IL1RL2: variants seen among roughly 807,000 people sequenced by gnomAD.
The protein encoded by IL1RL2 is interleukin-1 receptor-like 2.
Under a neutral mutation model 66.8 loss-of-function variants are expected in IL1RL2, and 68 were observed. The ratio of observed to expected loss-of-function variants is 1.02; its 90% CI spans 0.84 to 1.25. The LOEUF (loss-of-function observed/expected upper bound fraction) is 1.25, where lower values mean the gene tolerates loss of function less well. IL1RL2 is among the 50% of genes most tolerant of loss of function. IL1RL2 has a pLI of 0.00. For synonymous variants in IL1RL2, 305 were observed against 264.6 expected, an observed-to-expected ratio of 1.15 and a Z score of -1.48; for missense variants, 729 against 709.3, an observed-to-expected ratio of 1.03 and a Z score of -0.32.
rs377736284 is a variant in IL1RL2 at position 102,233,099 on chromosome 2, C to T, written c.1272C>T (p.Phe424=). The T allele has an allele frequency of 8.4e-5, 135 of 1,612,648 alleles. No individual in the cohort carries two copies. The highest frequency in any genetic ancestry group is 1.0e-4 in the Non-Finnish European group (121 of 1,179,034). ...ERQCGYKLFI[F]GRDEFPGQAV... is the part of the protein sequence containing the mutation. The stretch of plus-strand genomic sequence containing the variant: ...AATGTGGATATAAGTTGTTTATATT[C>T]GGCAGAGATGAATTCCCTGGACAAG... Residue 424 remains phenylalanine, a synonymous_variant, in exon 10 of 12, where the codon TTC becomes TTT. Coordinates refer to ENST00000264257, the MANE Select transcript of IL1RL2 (RefSeq NM_003854.4).
downstream of IL1RL2, among the ~76,000 whole-genome samples, chr2:102,241,762 A>G (rs1675237280): frequency 6.6e-6 from 1 of 152,252 alleles, no homozygotes; most frequent in Admixed American, 6.5e-5. Context: ...ACCCAGGGGT[A>G]ACACAGTTGT....
chr2:102,222,809 C>T (rs1690255347), intron 8 of IL1RL2, among the ~76,000 whole-genome samples: 1 of 152,178 alleles, frequency 6.6e-6, no homozygotes, highest in South Asian at 2.1e-4. Context: ...ACTCAGGGTC[C>T]ACCCCAGAGA....
intron 2 of IL1RL2, 63 bp from the exon 3 acceptor site, chr2:102,189,013 C>G (rs1036054841): frequency 7.3e-6 from 9 of 1,236,582 alleles, no homozygotes; most frequent in Non-Finnish European, 3.4e-6. Context: ...AAAAAACTAA[C>G]AGTAAATAAA....
chr2:102,234,764 G>C (rs999053664), intron 10 of IL1RL2, 133 bp from the exon 11 acceptor site: 3 of 784,070 alleles, frequency 3.8e-6, no homozygotes, highest in Non-Finnish European at 6.0e-6. Context: ...TCCAACCTGG[G>C]CAACACAGTG....
rs933953517 is a variant in IL1RL2, at chr2:102,237,420, C to T, written c.1679-1772C>T. 4.4e-4 allele frequency among the ~76,000 whole-genome samples: 67 copies of T among 152,302 alleles called. 1 individual carries two copies. The highest frequency in any genetic ancestry group is 1.5e-4 in the Non-Finnish European group (10 of 68,020). On this transcript the variant is annotated intron_variant, in intron 11 of 11. Coordinates refer to ENST00000264257, the MANE Select transcript of IL1RL2 (RefSeq NM_003854.4). ...GCACTCCGCAGAAGGAAGGACGAAG[C>T]GTCCTCAGCCAGCCCGCAGCCACCC...
At chr2:102,227,387 T>C (rs1481532088) in intron 9 of IL1RL2, among the ~76,000 whole-genome samples, 2 of 152,242 alleles carry the variant, frequency 1.3e-5, no homozygotes, top group African/African-American at 4.8e-5. Flanking sequence ...ACATGTTTGA[T>C]AAAACGTGGC....
intron 4 of IL1RL2, among the ~76,000 whole-genome samples, chr2:102,194,670 T>C (rs906497224): frequency 6.6e-6 from 1 of 152,200 alleles, no homozygotes; most frequent in Non-Finnish European, 1.5e-5. Flanking sequence ...TTACTGATAA[T>C]GTTGATCTTC....
At chr2:102,237,861 G>T (rs1675014647) in intron 11 of IL1RL2, among the ~76,000 whole-genome samples, 1 of 152,064 alleles carries the variant, frequency 6.6e-6, no homozygotes, top group African/African-American at 2.4e-5. Flanking sequence ...TTATGGGAAC[G>T]CTGAAGGCCA....
Position 102,195,631 on chromosome 2 carries a change from C to CCTTCTTTCTT in IL1RL2, c.489+3511_489+3512insCTTCTTTCTT, listed in dbSNP as rs1559530301. On this transcript the variant is annotated intron_variant, in intron 4 of 11. Coordinates refer to ENST00000264257, the MANE Select transcript of IL1RL2 (RefSeq NM_003854.4). ...TTTCTTTCTTTCTTTCTTTCTTTCT[C>CCTTCTTTCTT]TCTCTCTCTCTCTCTCTTTCTTTCT... 5.0e-3 allele frequency among the ~76,000 whole-genome samples: 123 copies of CCTTCTTTCTT among 24,434 alleles called. 8 individuals carry two copies. Among genetic ancestry groups the CCTTCTTTCTT allele is most frequent in the African/African-American group, 0.011 (119 of 10,356 alleles). The allele number at this position is 24,434 out of a possible 152,430, so 16.0% of individuals were successfully genotyped here.
downstream of IL1RL2, among the ~76,000 whole-genome samples, chr2:102,242,965 C>T (rs897661865): frequency 8.5e-5 from 13 of 152,098 alleles, no homozygotes; most frequent in East Asian, 2.5e-3. Context: ...TCCAAATTTC[C>T]CTCCAGAAAG....
rs769705730 is a variant in IL1RL2 at position 102,235,268 on chromosome 2, C to T, written c.1669C>T (p.Arg557Cys). Residue 557 changes from arginine (R) to cysteine (C), a missense_variant, in exon 11 of 12, where the codon CGC (arginine) becomes TGC (cysteine). Arg to Cys is a radical substitution (Grantham distance 180, BLOSUM62 -3). Coordinates refer to ENST00000264257, the MANE Select transcript of IL1RL2 (RefSeq NM_003854.4). ...VQLLQHTPCY[R>C]TAGPELGSRR... ...GCTGCTGCAGCACACACCTTGCTAC[C>T]GCACCGCAGGTGAGCGGGTGGGAGG... 3.2e-5 allele frequency: 51 copies of T among 1,612,910 alleles called. No individual in the cohort carries two copies. Among genetic ancestry groups the T allele is most frequent in the Middle Eastern group, 1.8e-4 (1 of 5,546 alleles).
chr2:102,212,810 A>T (rs940964504), intron 6 of IL1RL2, among the ~76,000 whole-genome samples: 1 of 152,176 alleles, frequency 6.6e-6, no homozygotes, highest in Non-Finnish European at 1.5e-5. Context: ...TTACTAAAAA[A>T]TACAAAAAAT....
chr2:102,194,605 A>C (rs758744534), intron 4 of IL1RL2, among the ~76,000 whole-genome samples: 3 of 152,162 alleles, frequency 2.0e-5, no homozygotes, highest in Non-Finnish European at 4.4e-5. Context: ...AATTTTTGCT[A>C]TTTGGATAAA....
At chr2:102,210,482 A>G (rs1689075577) in intron 5 of IL1RL2, among the ~76,000 whole-genome samples, 1 of 152,186 alleles carries the variant, frequency 6.6e-6, no homozygotes, top group Non-Finnish European at 1.5e-5. Flanking sequence ...GATCCATTCC[A>G]GGGTGGATCA....
chr2:102,198,153 G>A (rs1412833979), intron 4 of IL1RL2, among the ~76,000 whole-genome samples: 2 of 152,068 alleles, frequency 1.3e-5, no homozygotes, highest in Non-Finnish European at 2.9e-5. Flanking sequence ...TACATAATAG[G>A]TACGTAATAA....
intron 6 of IL1RL2, among the ~76,000 whole-genome samples, chr2:102,215,786 A>G (rs1689561848): frequency 1.3e-5 from 2 of 152,178 alleles, no homozygotes; most frequent in South Asian, 4.1e-4. Flanking sequence ...AAGAAACTGC[A>G]TGAAGACTAC....
intron 5 of IL1RL2, among the ~76,000 whole-genome samples, chr2:102,201,937 C>T (rs1359338252): frequency 6.6e-6 from 1 of 152,096 alleles, no homozygotes; most frequent in Non-Finnish European, 1.5e-5. Context: ...ACAGAACACT[C>T]AAAACTCTTG....
chr2:102,202,258 A>G (rs759353240), intron 5 of IL1RL2, among the ~76,000 whole-genome samples: 8 of 152,140 alleles, frequency 5.3e-5, no homozygotes, highest in Non-Finnish European at 7.4e-5. Flanking sequence ...GGGAAGAAGA[A>G]ACCCTAAAAG....
intron 4 of IL1RL2, among the ~76,000 whole-genome samples, chr2:102,195,559 CTCTTTCTT>C (rs1205396126): frequency 0.018 from 771 of 43,380 alleles, 30 homozygotes; most frequent in Non-Finnish European, 0.029. Flanking sequence ...TTCTTTCTTT[CTCTTTCTT>C]TCTTTCTTTC....
Sources: gnomAD v4.1 joint callset for allele counts (sites outside exome capture counted in the v4.1 genomes callset) on GRCh38, gnomAD v4.1.1 for gene constraint, MANE v1.5 for transcripts, NCBI Gene and HGNC (gene_info 2026-07-23, HGNC 2026-07-21) for gene names.